C4orf50: variants seen among roughly 807,000 people sequenced by gnomAD.
The protein encoded by C4orf50 is uncharacterized protein C4orf50.
In C4orf50, 80 loss-of-function variants were observed where a neutral mutation model predicts 77.2. That is an observed-to-expected ratio of 1.04 (90% confidence interval 0.87 to 1.25). The LOEUF (loss-of-function observed/expected upper bound fraction) is 1.25, where lower values mean the gene tolerates loss of function less well. C4orf50 is among the 50% of genes most tolerant of loss of function. The pLI is 0.00. For missense variants in C4orf50, 1,257 were observed against 1,152.9 expected, an observed-to-expected ratio of 1.09 and a Z score of -1.31; for synonymous variants, 532 against 465.3, an observed-to-expected ratio of 1.14 and a Z score of -1.84.
intron 25 of C4orf50, among the ~76,000 whole-genome samples, chr4:6,005,618 C>A (rs1722217704): frequency 6.6e-6 from 1 of 152,156 alleles, no homozygotes; most frequent in South Asian, 2.1e-4. Context: ...GTGATGATGT[C>A]ACTTAAACTC....
At chr4:5,946,897 G>C (rs6446411) in intron 7 of C4orf50, among the ~76,000 whole-genome samples, 2,152 of 152,332 alleles carry the variant, frequency 0.014, 65 homozygotes, top group African/African-American at 0.049. Context: ...TTATGTTCAA[G>C]TGCTATTTCT....
At chr4:5,934,633 C>T (rs1717927435) in intron 7 of C4orf50, among the ~76,000 whole-genome samples, 1 of 152,232 alleles carries the variant, frequency 6.6e-6, no homozygotes, top group Admixed American at 6.5e-5. Context: ...CAGCTACAGG[C>T]CCTGCACACT....
At position 6,017,748 on chromosome 4, in the gene C4orf50, C is replaced by T. The variant is rs573132753; in HGVS notation, c.287+397G>A. ...CCTAAAAAAATCACCCCAAACCGAC[C>T]AACTGGATTTGTCTGCCTCTGTCCT... On this transcript the variant is annotated intron_variant, in intron 23 of 33. Transcript: ENST00000531445. This position sits in a 1 kb window ranked among gnomAD's most constrained non-coding sequence, Gnocchi z 4.7. 3.6e-4 allele frequency among the ~76,000 whole-genome samples: 55 copies of T among 152,284 alleles called. No homozygotes were observed. Among genetic ancestry groups the T allele is most frequent in the Non-Finnish European group, 6.6e-4 (45 of 68,014 alleles).
intron 32 of C4orf50, among the ~76,000 whole-genome samples, 198 bp from the exon 11 acceptor site, chr4:5,965,343 G>A (rs1560568776): frequency 1.3e-5 from 2 of 152,208 alleles, no homozygotes; most frequent in South Asian, 4.1e-4. Context: ...TGATGGTGCT[G>A]TCATGATCTT....
chr4:5,925,607 T>C (rs1021261879), intron 7 of C4orf50, among the ~76,000 whole-genome samples: 20 of 152,210 alleles, frequency 1.3e-4, no homozygotes, highest in African/African-American at 4.8e-4. Context: ...AGCATAACAC[T>C]GGGTTTCTAT....
At chr4:5,971,257 C>T (rs1405289110) in intron 31 of C4orf50, among the ~76,000 whole-genome samples, 4 of 152,226 alleles carry the variant, frequency 2.6e-5, no homozygotes, top group African/African-American at 9.6e-5. Flanking sequence ...TCTGAATTGA[C>T]TGCCCATCAA....
In C4orf50 at chr4:6,011,288, CGTCCCCAGCACG is replaced by C. The variant is rs1322297021; in HGVS notation, c.426+530_426+541del. ...CTGGAACTTTCCGACTCACCCACTC[CGTCCCCAGCACG>C]GTGATATCCTCTGTGTTCTCCCACA... On this transcript the variant is annotated intron_variant, in intron 24 of 33. Coordinates refer to ENST00000531445, the Ensembl canonical transcript of C4orf50. The surrounding 1 kb of genome is among the most constrained non-coding windows in gnomAD (Gnocchi z 4.2). 2.0e-5 allele frequency among the ~76,000 whole-genome samples: 3 copies of C among 152,140 alleles called. No individual in the cohort carries two copies. The highest frequency in any genetic ancestry group is 4.4e-5 in the Non-Finnish European group (3 of 68,024).
chr4:5,941,802 G>C (rs1718279701), intron 7 of C4orf50, among the ~76,000 whole-genome samples: 1 of 152,072 alleles, frequency 6.6e-6, no homozygotes, highest in Non-Finnish European at 1.5e-5. Flanking sequence ...ACTAAGGTTG[G>C]CCTGGCGCCA....
intron 7 of C4orf50, among the ~76,000 whole-genome samples, chr4:5,935,868 A>T (rs978402147): frequency 1.3e-5 from 2 of 151,898 alleles, no homozygotes; most frequent in Non-Finnish European, 2.9e-5. Flanking sequence ...GAATGAAGAC[A>T]TAAGATGTAT....
At chr4:5,972,162 G>A (rs142259375) in intron 31 of C4orf50, among the ~76,000 whole-genome samples, 8 of 151,982 alleles carry the variant, frequency 5.3e-5, no homozygotes, top group South Asian at 4.2e-4. Flanking sequence ...ATGCCACCAC[G>A]CCTAGCTAAT....
At chr4:5,906,804 A>T (rs1716568142) in intron 7 of C4orf50, among the ~76,000 whole-genome samples, 1 of 152,214 alleles carries the variant, frequency 6.6e-6, no homozygotes, top group Admixed American at 6.5e-5. Flanking sequence ...ATCTATCTGT[A>T]GGTACACAGC....
chr4:5,993,013 G>A (rs1285702044), intron 26 of C4orf50, 83 bp from the exon 5 acceptor site: 1 of 397,218 alleles, frequency 2.5e-6, no homozygotes, highest in Non-Finnish European at 4.4e-6. Context: ...ACGTCCCCCA[G>A]GCTTGGGTAA....
chr4:5,985,400 ATAAAAAG>A (rs1274787466), intron 28 of C4orf50, among the ~76,000 whole-genome samples: 2 of 152,206 alleles, frequency 1.3e-5, no homozygotes, highest in South Asian at 4.1e-4. Flanking sequence ...AAAATAAATA[ATAAAAAG>A]TAAAAAGATT....
rs977647997 is a variant in C4orf50, at chr4:6,017,489, T to C, written c.287+656A>G. The stretch of plus-strand genomic sequence containing the variant: ...CCACGAATGCCTCCAAGATGTGGAG[T>C]TGATATAGTTCTGTTTACGTAGAAA... On this transcript the variant is annotated intron_variant, in intron 23 of 33. Transcript: ENST00000531445. The surrounding 1 kb of genome is among the most constrained non-coding windows in gnomAD (Gnocchi z 4.7). 1.3e-5 allele frequency among the ~76,000 whole-genome samples: 2 copies of C among 152,116 alleles called. No individual in the cohort carries two copies. The highest frequency in any genetic ancestry group is 4.8e-5 in the African/African-American group (2 of 41,422).
intron 33 of C4orf50, among the ~76,000 whole-genome samples, chr4:5,962,793 C>T (rs887716490): frequency 2.6e-5 from 4 of 152,158 alleles, no homozygotes; most frequent in Admixed American, 6.5e-5. Context: ...CCAATGCCGG[C>T]GCAGTAAGAT....
At chr4:6,002,170 T>A (rs79835271) in intron 25 of C4orf50, among the ~76,000 whole-genome samples, 2,933 of 152,140 alleles carry the variant, frequency 0.019, 118 homozygotes, top group African/African-American at 0.067. Context: ...GGTGTCCAGA[T>A]AAGAAGAGAA....
intron 7 of C4orf50, among the ~76,000 whole-genome samples, chr4:5,950,683 C>T (rs560419200): frequency 4.0e-5 from 5 of 125,896 alleles, no homozygotes; most frequent in African/African-American, 7.0e-5. Flanking sequence ...TCACCCTCCT[C>T]GTTTCCTACC....
chr4:5,915,314 T>A (rs1716984039), intron 7 of C4orf50, among the ~76,000 whole-genome samples: 3 of 152,238 alleles, frequency 2.0e-5, no homozygotes, highest in Admixed American at 6.5e-5. Context: ...CCTGCCATTC[T>A]CAGACACAGT....
At chr4:5,988,427 G>A (rs749103126) in exon 28 of C4orf50, 20 of 1,608,204 alleles carry the variant, frequency 1.2e-5, no homozygotes, top group Non-Finnish European at 1.7e-5. Context: ...TTCTCCAAAT[G>A]TGCTTCTTTC....
Sources: allele counts gnomAD v4.1 joint callset (sites outside exome capture counted in the v4.1 genomes callset), GRCh38; gene constraint gnomAD v4.1.1; non-coding constraint Gnocchi (gnomAD v3.1); transcripts MANE v1.5; gene names NCBI Gene and HGNC (gene_info 2026-07-23, HGNC 2026-07-21).